Variants in MRTFA observed in about 807,000 individuals in gnomAD.
MRTFA encodes the protein myocardin related transcription factor A.
Under a neutral mutation model 83.5 loss-of-function variants are expected in MRTFA, and 20 were observed. The observed-to-expected ratio is 0.24, with a 90% CI of 0.17 to 0.35. The LOEUF (loss-of-function observed/expected upper bound fraction) is 0.35, where lower values mean the gene tolerates loss of function less well. Among genes scored for constraint, MRTFA ranks in the 10% least tolerant of loss-of-function variants. MRTFA has a pLI of 1.00. For missense variants in MRTFA, 1,200 were observed against 1,224.7 expected (o/e 0.98, Z 0.30); for synonymous variants, 659 against 541.2 (o/e 1.22, Z -3.02).
intron 3 of MRTFA, among the ~76,000 whole-genome samples, chr22:40,506,637 G>A (rs2054584855): frequency 6.6e-6 from 1 of 152,130 alleles, no homozygotes; most frequent in South Asian, 2.1e-4. Context: ...AAGAATCTTA[G>A]GCAAATAATA....
At chr22:40,467,496 C>T (rs2053829355) in intron 3 of MRTFA, among the ~76,000 whole-genome samples, 1 of 151,928 alleles carries the variant, frequency 6.6e-6, no homozygotes, top group Non-Finnish European at 1.5e-5. Flanking sequence ...CATTTCCAGA[C>T]CTTAGGATTA....
chr22:40,476,563 T>G (rs1016682510), intron 3 of MRTFA, among the ~76,000 whole-genome samples: 1 of 152,144 alleles, frequency 6.6e-6, no homozygotes, highest in Non-Finnish European at 1.5e-5. Context: ...GCTCAAGCAA[T>G]TGATCCTCTT....
intron 4 of MRTFA, among the ~76,000 whole-genome samples, chr22:40,448,023 T>C (rs1345094702): frequency 6.6e-6 from 1 of 152,128 alleles, no homozygotes; most frequent in Non-Finnish European, 1.5e-5. Flanking sequence ...ACAAAAAAAT[T>C]AGCTGGGGCT....
At position 40,430,619 on chromosome 22, in the gene MRTFA, G is replaced by C. The variant is rs140646676; in HGVS notation, c.439+786C>G. Among the ~76,000 whole-genome samples, 921 of 152,124 alleles carry C rather than the reference G, an allele frequency of 6.1e-3. 10 individuals are homozygous for C. Among genetic ancestry groups the C allele is most frequent in the African/African-American group, 0.021 (886 of 41,496 alleles). ...CACATCTGTAACCACAGCACTTTGGGAGGCCGAGGTGGGTGGATCACCTGA... is the reference window on the plus strand; with the variant it reads ...CACATCTGTAACCACAGCACTTTGGCAGGCCGAGGTGGGTGGATCACCTGA... On this transcript the variant is annotated intron_variant, in intron 6 of 14. Coordinates refer to ENST00000355630, the MANE Select transcript of MRTFA (RefSeq NM_020831.6).
intron 1 of MRTFA, among the ~76,000 whole-genome samples, chr22:40,613,289 C>G (rs771163478): frequency 3.3e-5 from 5 of 152,148 alleles, no homozygotes; most frequent in Non-Finnish European, 5.9e-5. Context: ...GTGAATAAAG[C>G]TGCTATGAAC....
chr22:40,579,771 A>T (rs1227208536), intron 2 of MRTFA, among the ~76,000 whole-genome samples: 1 of 152,000 alleles, frequency 6.6e-6, no homozygotes, highest in Non-Finnish European at 1.5e-5. Flanking sequence ...GAGACAGGAG[A>T]ATCTCTTGAA....
intron 3 of MRTFA, among the ~76,000 whole-genome samples, chr22:40,534,234 G>C (rs926101977): frequency 6.6e-6 from 1 of 152,150 alleles, no homozygotes; most frequent in East Asian, 1.9e-4. Context: ...GGTATTTATA[G>C]ATAACAGGCT....
intron 4 of MRTFA, among the ~76,000 whole-genome samples, chr22:40,438,930 G>C (rs2053221872): frequency 6.6e-6 from 1 of 152,156 alleles, no homozygotes; most frequent in South Asian, 2.1e-4. Context: ...TGGCAAGAAA[G>C]GGATTAATAT....
At chr22:40,600,945 A>C (rs2056252293) in intron 1 of MRTFA, among the ~76,000 whole-genome samples, 1 of 152,236 alleles carries the variant, frequency 6.6e-6, no homozygotes, top group Admixed American at 6.5e-5. Flanking sequence ...ACTGTACTCC[A>C]GCCTGGGTGA....
chr22:40,559,433 T>C (rs898944447), intron 2 of MRTFA, among the ~76,000 whole-genome samples: 1 of 152,064 alleles, frequency 6.6e-6, no homozygotes, highest in African/African-American at 2.4e-5. Context: ...TTTTTTTTCT[T>C]TTTTCAGACA....
chr22:40,615,419 T>C (rs2056437088), intron 1 of MRTFA, among the ~76,000 whole-genome samples: 1 of 152,238 alleles, frequency 6.6e-6, no homozygotes, highest in Non-Finnish European at 1.5e-5. Context: ...TTGTTTGTTC[T>C]TCCTCTTGTA....
At chr22:40,535,760 C>G (rs760215538) in intron 3 of MRTFA, among the ~76,000 whole-genome samples, 1 of 152,140 alleles carries the variant, frequency 6.6e-6, no homozygotes, top group Non-Finnish European at 1.5e-5. Context: ...GATTCCTGCA[C>G]AGAAGATGGT....
At chr22:40,476,018 C>T (rs1012143030) in intron 3 of MRTFA, among the ~76,000 whole-genome samples, 16 of 151,924 alleles carry the variant, frequency 1.1e-4, no homozygotes, top group African/African-American at 3.6e-4. Context: ...GTGGCGGGTG[C>T]CTGTAGTCCC....
At chr22:40,429,994 C>A (rs2147091603) in intron 6 of MRTFA, among the ~76,000 whole-genome samples, 1 of 152,226 alleles carries the variant, frequency 6.6e-6, no homozygotes, top group African/African-American at 2.4e-5. Context: ...TATAACCAGG[C>A]AGAGGCAAAC....
intron 4 of MRTFA, among the ~76,000 whole-genome samples, chr22:40,450,855 C>G (rs763977428): frequency 1.3e-5 from 2 of 152,198 alleles, no homozygotes; most frequent in Non-Finnish European, 2.9e-5. Context: ...CCAGTATAAA[C>G]TGTGACTTTC....
At chr22:40,610,568 A>C (rs1233644522) in intron 1 of MRTFA, among the ~76,000 whole-genome samples, 1 of 152,160 alleles carries the variant, frequency 6.6e-6, no homozygotes, top group South Asian at 2.1e-4. Context: ...GAATGTGCCA[A>C]GAAAAAGTGG....
At chr22:40,482,668 T>A (rs1447538803) in intron 3 of MRTFA, among the ~76,000 whole-genome samples, 1 of 152,178 alleles carries the variant, frequency 6.6e-6, no homozygotes, top group African/African-American at 2.4e-5. Flanking sequence ...TTGCATTAGT[T>A]CTGCCCATTC....
chr22:40,475,131 G>A (rs572064759), intron 3 of MRTFA, among the ~76,000 whole-genome samples: 4 of 152,006 alleles, frequency 2.6e-5, no homozygotes, highest in Admixed American at 1.3e-4. Context: ...GAGCCACTGC[G>A]CCCAGCCAAC....
chr22:40,626,866 A>AACACACACACAC (rs141945541), intron 1 of MRTFA, among the ~76,000 whole-genome samples: 125 of 145,222 alleles, frequency 8.6e-4, no homozygotes, highest in African/African-American at 3.0e-3. Flanking sequence ...CCCTGTCTCA[A>AACACACACACAC]ACACACACAC....
Sources: allele counts gnomAD v4.1 joint callset (sites outside exome capture counted in the v4.1 genomes callset), GRCh38; gene constraint gnomAD v4.1.1; transcripts MANE v1.5; gene names NCBI Gene and HGNC (gene_info 2026-07-23, HGNC 2026-07-21).